Variants in LPGAT1 observed in about 807,000 individuals in gnomAD.
LPGAT1 encodes the protein lysophosphatidylglycerol acyltransferase 1.
In LPGAT1, 11 loss-of-function variants were observed where a neutral mutation model predicts 47.5. The observed-to-expected ratio is 0.23, with a 90% CI of 0.15 to 0.38. The LOEUF (loss-of-function observed/expected upper bound fraction) is 0.38, where lower values mean the gene tolerates loss of function less well. Ranked by LOEUF, LPGAT1 falls within the 10% of genes least tolerant of loss-of-function variation. The pLI, the probability that LPGAT1 is intolerant of heterozygous loss-of-function variation, is 1.00. For missense variants in LPGAT1, 293 were observed against 439.0 expected (o/e 0.67, Z 2.97); for synonymous variants, 138 against 144.2 (o/e 0.96, Z 0.31).
At chr1:211,750,107 A>G (rs1657113153) in intron 7 of LPGAT1, 57 bp from the exon 8 acceptor site, 2 of 1,479,848 alleles carry the variant, frequency 1.4e-6, no homozygotes, top group Admixed American at 1.9e-5. Context: ...GTCTCCTGGA[A>G]TAAAAGTTGA....
In LPGAT1 at chr1:211,745,302, T is replaced by C. The variant is rs1281570272; in HGVS notation, c.*4597A>G. Reference sequence around the variant, plus strand: ...TGAAAACCCATCTGTATAAAATAAATACAATTTTATAATAACTGTAAAGAA... The same window carrying C: ...TGAAAACCCATCTGTATAAAATAAACACAATTTTATAATAACTGTAAAGAA... On this transcript the variant is annotated 3_prime_UTR_variant, in exon 8 of 8. Coordinates refer to ENST00000366997, the MANE Select transcript of LPGAT1 (RefSeq NM_014873.3). 3 of 152,292 alleles carry C rather than the reference T, an allele frequency of 2.0e-5. No individual in the cohort carries two copies. In the East Asian group the frequency reaches 5.8e-4, roughly 29 times the overall value. The allele number at this position is 152,292 out of a possible 1,614,324, so 9.4% of individuals were successfully genotyped here.
chr1:211,809,658 G>C (rs916453986), intron 2 of LPGAT1, among the ~76,000 whole-genome samples: 1 of 152,226 alleles, frequency 6.6e-6, no homozygotes, highest in East Asian at 1.9e-4. Context: ...AGATCCAATG[G>C]TTTTATAAAG....
intron 6 of LPGAT1, among the ~76,000 whole-genome samples, chr1:211,768,764 C>T (rs1173864380): frequency 4.6e-5 from 7 of 152,200 alleles, no homozygotes; most frequent in Middle Eastern, 3.4e-3. Context: ...CATCCCAAAT[C>T]CTCTTAAGCA....
rs1657097270 is a variant in LPGAT1 at position 211,749,787 on chromosome 1, A to C, written c.*112T>G. 11 of 1,085,954 alleles carry C rather than the reference A, an allele frequency of 1.0e-5. No homozygotes were observed. Among genetic ancestry groups the C allele is most frequent in the Non-Finnish European group, 1.1e-5 (8 of 729,354 alleles). 67.3% of individuals were successfully genotyped at this position (1,085,954 alleles called of 1,614,324 possible). ...GGGATAAATATTAATCCATCCATTG[A>C]ATTTCTTTTGCTTTTTTTTAAATAT... On this transcript the variant is annotated 3_prime_UTR_variant, in exon 8 of 8. Coordinates refer to ENST00000366997, the MANE Select transcript of LPGAT1 (RefSeq NM_014873.3).
At position 211,830,156 on chromosome 1, in the gene LPGAT1, C is replaced by G; in HGVS notation, c.-28+417G>C. ...CGCGGATGTGGAAGGGTCGTGGCGG[C>G]GGGCGCGGCCCGCGCGCCGGGCTCA... is the stretch of plus-strand genomic sequence containing the variant. On this transcript the variant is annotated intron_variant, in intron 1 of 7. Coordinates refer to ENST00000366997, the MANE Select transcript of LPGAT1 (RefSeq NM_014873.3). This position sits in a 1 kb window ranked among gnomAD's most constrained non-coding sequence, Gnocchi z 5.9. 2.0e-6 allele frequency: 2 copies of G among 983,310 alleles called. No homozygotes were observed. Among genetic ancestry groups the G allele is most frequent in the Non-Finnish European group, 2.4e-6 (2 of 829,230 alleles). 60.9% of individuals were successfully genotyped at this position (983,310 alleles called of 1,614,324 possible).
At chr1:211,800,680 C>G (rs1390038322) in intron 2 of LPGAT1, among the ~76,000 whole-genome samples, 1 of 152,142 alleles carries the variant, frequency 6.6e-6, no homozygotes, top group Non-Finnish European at 1.5e-5. Context: ...TAGTCTGTTA[C>G]AATCCAAAAG....
intron 2 of LPGAT1, among the ~76,000 whole-genome samples, chr1:211,819,857 C>T (rs1450439682): frequency 6.6e-6 from 1 of 152,008 alleles, no homozygotes; most frequent in African/African-American, 2.4e-5. Flanking sequence ...TGGTGGCAGA[C>T]GCCTGTACTG....
chr1:211,828,144 A>G (rs1352815862), intron 2 of LPGAT1, among the ~76,000 whole-genome samples: 2 of 152,186 alleles, frequency 1.3e-5, no homozygotes, highest in Non-Finnish European at 2.9e-5. Context: ...TACAGCCTCT[A>G]CTGACCACAG....
intron 6 of LPGAT1, among the ~76,000 whole-genome samples, chr1:211,752,352 A>G (rs1484102476): frequency 6.6e-6 from 1 of 152,114 alleles, no homozygotes; most frequent in African/African-American, 2.4e-5. Flanking sequence ...TAAAATTTAA[A>G]AGCTATTGGA....
intron 2 of LPGAT1, among the ~76,000 whole-genome samples, chr1:211,821,970 T>A (rs1447158963): frequency 6.6e-6 from 1 of 152,132 alleles, no homozygotes; most frequent in African/African-American, 2.4e-5. Flanking sequence ...TGGATTCAAC[T>A]CATATTAACA....
intron 2 of LPGAT1, among the ~76,000 whole-genome samples, chr1:211,828,314 C>G (rs1237911661): frequency 2.0e-5 from 3 of 152,178 alleles, no homozygotes; most frequent in African/African-American, 7.2e-5. Context: ...AGAATTTTCA[C>G]AGCAAGGGCA....
chr1:211,812,999 G>A (rs1660045181), intron 2 of LPGAT1, among the ~76,000 whole-genome samples: 1 of 152,074 alleles, frequency 6.6e-6, no homozygotes, highest in African/African-American at 2.4e-5. Context: ...TAGAGGGAGG[G>A]GCTATTTACT....
At chr1:211,806,783 T>C (rs1029850921) in intron 2 of LPGAT1, among the ~76,000 whole-genome samples, 5 of 151,976 alleles carry the variant, frequency 3.3e-5, no homozygotes, top group African/African-American at 1.2e-4. Flanking sequence ...AAACTAGGAG[T>C]AAAAAAATTT....
At chr1:211,806,679 T>A (rs1349200655) in intron 2 of LPGAT1, among the ~76,000 whole-genome samples, 2 of 152,100 alleles carry the variant, frequency 1.3e-5, no homozygotes, top group Non-Finnish European at 2.9e-5. Flanking sequence ...ACAAATAAAA[T>A]TTTTTTAAAA....
chr1:211,787,757 TGGATA>T, intron 3 of LPGAT1, 30 bp from the exon 4 acceptor site: 1 of 1,391,224 alleles, frequency 7.2e-7, no homozygotes, highest in Non-Finnish European at 1.0e-6. Flanking sequence ...GAAATAATAT[TGGATA>T]GAAGAAACCT....
rs558611501 is a variant in LPGAT1 at position 211,748,201 on chromosome 1, A to G, written c.*1698T>C. 1 of 152,740 alleles carries G rather than the reference A, an allele frequency of 6.5e-6. No homozygotes were observed. Among genetic ancestry groups the G allele is most frequent in the South Asian group, 2.1e-4 (1 of 4,824 alleles). The allele number at this position is 152,740 out of a possible 1,614,324, so 9.5% of individuals were successfully genotyped here. On this transcript the variant is annotated 3_prime_UTR_variant, in exon 8 of 8. Transcript: ENST00000366997. ...GAATCTACAATGCTCACATCACAGT[A>G]AACTACCACTGACTTACTAGGATCT...
chr1:211,777,771 G>A (rs903769743), intron 6 of LPGAT1, among the ~76,000 whole-genome samples: 15 of 152,090 alleles, frequency 9.9e-5, no homozygotes, highest in Admixed American at 5.9e-4. Flanking sequence ...TCCTGAATAC[G>A]GGCTGGGTAA....
chr1:211,814,152 C>A (rs1269117352), intron 2 of LPGAT1, among the ~76,000 whole-genome samples: 1 of 152,222 alleles, frequency 6.6e-6, no homozygotes, highest in East Asian at 1.9e-4. Context: ...CACATATTTA[C>A]AAGACACATT....
intron 2 of LPGAT1, among the ~76,000 whole-genome samples, chr1:211,826,713 C>T (rs1660555503): frequency 6.6e-6 from 1 of 151,836 alleles, no homozygotes; most frequent in Admixed American, 6.6e-5. Context: ...TACCAATATT[C>T]AATTTTTAGC....
Sources: allele counts gnomAD v4.1 joint callset (sites outside exome capture counted in the v4.1 genomes callset), GRCh38; gene constraint gnomAD v4.1.1; non-coding constraint Gnocchi (gnomAD v3.1); transcripts MANE v1.5; gene names NCBI Gene and HGNC (gene_info 2026-07-23, HGNC 2026-07-21).